The following HTD2 variants were observed in gnomAD, a reference collection of about 807,000 sequenced individuals.
HTD2 encodes the protein hydroxyacyl-thioester dehydratase type 2, also known as hydroxyacyl-thioester dehydratase type 2, mitochondrial.
HTD2 carries 1 observed loss-of-function variant against 3.1 expected under a neutral mutation model. The observed-to-expected ratio is 0.32, with a 90% CI of 0.11 to 1.52. The LOEUF (loss-of-function observed/expected upper bound fraction) is 1.52. Among genes scored for constraint, HTD2 ranks in the 40% most tolerant of loss-of-function variants. HTD2 has a pLI of 0.39. For synonymous variants in HTD2, 50 were observed against 28.9 expected, an observed-to-expected ratio of 1.73 and a Z score of -2.34; for missense variants, 150 against 79.6, an observed-to-expected ratio of 1.88 and a Z score of -3.36.
chr3:58,312,960 CAAAAA>C (rs35853424), intron 2 of HTD2, among the ~76,000 whole-genome samples: 3 of 79,040 alleles, frequency 3.8e-5, no homozygotes, highest in African/African-American at 1.5e-4. Flanking sequence ...GACTCTGTCT[CAAAAA>C]AAAAAAAAAA....
rs1234392721 is a variant in HTD2, at chr3:58,316,976, G to A, written c.-192G>A. The A allele has an allele frequency of 7.4e-6, 12 of 1,613,658 alleles. No individual in the cohort carries two copies. In the African/African-American group the frequency reaches 1.5e-4, roughly 20 times the overall value. On this transcript the variant is annotated 5_prime_UTR_variant, in exon 4 of 5. Transcript: ENST00000461393. ...AGGATCCTATAAAGGCAAAAAATGT[G>A]CTTTCCGGGTGATTCAGGTAAAGAC...
At chr3:58,316,184 T>A (rs1366723435) in intron 2 of HTD2, among the ~76,000 whole-genome samples, 1 of 152,138 alleles carries the variant, frequency 6.6e-6, no homozygotes, top group Non-Finnish European at 1.5e-5. Context: ...GGACAATTAG[T>A]GACAAGAATA....
intron 2 of HTD2, among the ~76,000 whole-genome samples, chr3:58,314,675 A>ATTTTTTTTTTT (rs751757663): frequency 6.1e-4 from 55 of 90,582 alleles, no homozygotes; most frequent in Non-Finnish European, 6.8e-4. Context: ...GTTTGGCAGT[A>ATTTTTTTTTTT]TTTTTTTTTT....
chr3:58,312,574 G>T (rs1466345527), intron 2 of HTD2, among the ~76,000 whole-genome samples: 1 of 152,164 alleles, frequency 6.6e-6, no homozygotes. Flanking sequence ...GTAGCACAGT[G>T]CTACTCAAAG....
intron 2 of HTD2, among the ~76,000 whole-genome samples, chr3:58,312,970 A>G (rs1342654544): frequency 7.1e-6 from 1 of 141,438 alleles, no homozygotes; most frequent in Non-Finnish European, 1.5e-5. Flanking sequence ...CAAAAAAAAA[A>G]AAAAAAAAAA....
At chr3:58,307,437 C>T (rs530853461) in intron 1 of HTD2, among the ~76,000 whole-genome samples, 2 of 152,276 alleles carry the variant, frequency 1.3e-5, no homozygotes, top group East Asian at 1.9e-4. Context: ...AAAAGGCTGA[C>T]TCTAGGCCGG....
Position 58,316,519 on chromosome 3 carries a change from A to C in HTD2, c.-326A>C, listed in dbSNP as rs756494086. The C allele has an allele frequency of 6.2e-7, 1 of 1,613,840 alleles. No individual in the cohort carries two copies. The highest frequency in any genetic ancestry group is 1.1e-5 in the South Asian group (1 of 91,080). Reference sequence around the variant, plus strand: ...ATAGCATTATTCCATATGCAGGTTGATGCCGCCTTACCTTTGGACATCCTA... The same window carrying C: ...ATAGCATTATTCCATATGCAGGTTGCTGCCGCCTTACCTTTGGACATCCTA... On this transcript the variant is annotated 5_prime_UTR_variant, in exon 3 of 5. The change abolishes an upstream ATG in the 5' untranslated region. Transcript: ENST00000461393.
intron 2 of HTD2, among the ~76,000 whole-genome samples, chr3:58,314,675 A>ATTTTTTTTTTTTTTTT (rs751757663): frequency 8.8e-5 from 8 of 90,584 alleles, no homozygotes; most frequent in African/African-American, 8.8e-5. Flanking sequence ...GTTTGGCAGT[A>ATTTTTTTTTTTTTTTT]TTTTTTTTTT....
At chr3:58,310,267 G>A in intron 1 of HTD2, 2 of 1,442,670 alleles carry the variant, frequency 1.4e-6, no homozygotes, top group Admixed American at 1.8e-5. Flanking sequence ...CTGAAAAATA[G>A]CATGTGCATT....
intron 1 of HTD2, 43 bp downstream of exon 1, chr3:58,306,694 C>G (rs536834554): frequency 6.6e-6 from 1 of 152,276 alleles, no homozygotes; most frequent in African/African-American, 2.4e-5. Context: ...TGAAAGCCAC[C>G]CAAGTGCTCA....
intron 3 of HTD2, 103 bp downstream of exon 3, chr3:58,316,694 C>T: frequency 1.8e-6 from 2 of 1,104,352 alleles, no homozygotes; most frequent in South Asian, 2.6e-5. Flanking sequence ...GTTGTGAACT[C>T]TGAGCAGCTT....
intron 1 of HTD2, among the ~76,000 whole-genome samples, chr3:58,308,140 G>A (rs13075746): frequency 0.069 from 10,570 of 152,178 alleles, 478 homozygotes; most frequent in Middle Eastern, 0.088. Flanking sequence ...TCTAGTTAGG[G>A]GAGACTCTAG....
At chr3:58,311,590 A>G (rs1187208477) in intron 2 of HTD2, among the ~76,000 whole-genome samples, 5 of 151,220 alleles carry the variant, frequency 3.3e-5, no homozygotes, top group Non-Finnish European at 7.4e-5. Context: ...ATTCTTTTTT[A>G]TGGCTGAATA....
At chr3:58,312,334 A>C (rs865922441) in intron 2 of HTD2, among the ~76,000 whole-genome samples, 1,586 of 69,138 alleles carry the variant, frequency 0.023, 2 homozygotes, top group East Asian at 0.037. Flanking sequence ...CAACCTCCGC[A>C]CCCCCCCCCG....
chr3:58,318,640 A>C lies in HTD2; in HGVS notation c.*520A>C, dbSNP rs944643829. On this transcript the variant is annotated 3_prime_UTR_variant, in exon 5 of 5. Coordinates refer to ENST00000461393, the MANE Select transcript of HTD2 (RefSeq NM_001348712.2). ...TGAGAAACTGAGATTGCACCACTGC[A>C]CTGTAGCCTGAGTGACAGAGCGAGA... The C allele has an allele frequency of 6.6e-6, 1 of 152,486 alleles. No individual in the cohort carries two copies. Among genetic ancestry groups the C allele is most frequent in the African/African-American group, 2.4e-5 (1 of 41,322 alleles). 9.4% of individuals were successfully genotyped at this position (152,486 alleles called of 1,614,324 possible).
chr3:58,310,150 T>C lies in HTD2; in HGVS notation c.-415-357T>C, dbSNP rs1472209169. The C allele has an allele frequency of 5.2e-5, 31 of 597,020 alleles. No individual in the cohort carries two copies. The East Asian group carries it at 8.7e-4, about 17-fold the overall frequency. 37.0% of individuals were successfully genotyped at this position (597,020 alleles called of 1,614,324 possible). On this transcript the variant is annotated intron_variant, in intron 1 of 4. Transcript: ENST00000461393. ...CGAGAGCCAGAGGTGGAGGCTGCAG[T>C]GAACTCTGATTGTACCACTGCACTT...
chr3:58,309,499 G>A (rs2097479749), intron 1 of HTD2, among the ~76,000 whole-genome samples: 1 of 152,206 alleles, frequency 6.6e-6, no homozygotes, highest in Non-Finnish European at 1.5e-5. Flanking sequence ...AGAGTACAGT[G>A]ATTTGACATT....
intron 1 of HTD2, among the ~76,000 whole-genome samples, chr3:58,307,514 C>T (rs1418504404): frequency 6.6e-6 from 1 of 152,144 alleles, no homozygotes; most frequent in East Asian, 1.9e-4. Flanking sequence ...CACTTGACGC[C>T]AGGAGTTCGA....
At chr3:58,307,285 G>A (rs756942704) in intron 1 of HTD2, among the ~76,000 whole-genome samples, 12 of 152,210 alleles carry the variant, frequency 7.9e-5, no homozygotes, top group Non-Finnish European at 1.6e-4. Context: ...ACCATAGCAA[G>A]ATTTTGAGCA....
Sources: gnomAD v4.1 joint callset for allele counts (sites outside exome capture counted in the v4.1 genomes callset) on GRCh38, gnomAD v4.1.1 for gene constraint, MANE v1.5 for transcripts, NCBI Gene and HGNC (gene_info 2026-07-23, HGNC 2026-07-21) for gene names.